Variants in NFIB observed in about 807,000 individuals in gnomAD.
NFIB encodes the protein nuclear factor I B, also known as nuclear factor 1 B-type.
A neutral mutation model predicts 61.5 loss-of-function variants in NFIB; 11 were observed. That is an observed-to-expected ratio of 0.18 (90% CI 0.11 to 0.30). The LOEUF (loss-of-function observed/expected upper bound fraction) is 0.30, where lower values mean the gene tolerates loss of function less well. Among genes scored for constraint, NFIB ranks in the 10% least tolerant of loss-of-function variants. The pLI is 1.00. For synonymous variants in NFIB, 260 were observed against 216.5 expected, an observed-to-expected ratio of 1.20 and a Z score of -1.76; for missense variants, 471 against 608.9, an observed-to-expected ratio of 0.77 and a Z score of 2.38.
intron 6 of NFIB, among the ~76,000 whole-genome samples, chr9:14,128,895 G>C (rs1326291350): frequency 6.6e-6 from 1 of 152,096 alleles, no homozygotes; most frequent in Non-Finnish European, 1.5e-5. Flanking sequence ...TTATATAGAA[G>C]TTGAAGATGA....
intron 2 of NFIB, among the ~76,000 whole-genome samples, chr9:14,249,936 G>A (rs955474872): frequency 7.2e-5 from 11 of 152,070 alleles, no homozygotes; most frequent in Non-Finnish European, 1.5e-4. Context: ...AAAGTCTTGT[G>A]GATACCATTT....
the NFIB span, among the ~76,000 whole-genome samples, chr9:14,470,517 G>A: frequency 1.3e-5 from 2 of 152,014 alleles, no homozygotes; most frequent in Admixed American, 1.3e-4. Flanking sequence ...ACTCCATAAG[G>A]GCCAGATGGT....
chr9:14,497,744 C>T, the NFIB span, among the ~76,000 whole-genome samples: 1 of 152,182 alleles, frequency 6.6e-6, no homozygotes. Flanking sequence ...TATCTGGCCA[C>T]AGAGGTGGGT....
At chr9:14,410,064 G>A in the NFIB span, among the ~76,000 whole-genome samples, 3 of 151,808 alleles carry the variant, frequency 2.0e-5, no homozygotes, top group African/African-American at 7.3e-5. Flanking sequence ...AGGGGGTGAG[G>A]GGCAGGTTTC....
intron 1 of NFIB, among the ~76,000 whole-genome samples, chr9:14,379,677 A>T (rs1049809867): frequency 6.6e-6 from 1 of 151,814 alleles, no homozygotes; most frequent in Non-Finnish European, 1.5e-5. Context: ...ATCAGATTTT[A>T]TTTATTTATT....
chr9:14,312,365 T>A (rs2060319961), intron 1 of NFIB, among the ~76,000 whole-genome samples: 1 of 152,260 alleles, frequency 6.6e-6, no homozygotes, highest in Admixed American at 6.5e-5. Context: ...GGCTGACACT[T>A]CTTTATATGA....
At chr9:14,297,345 G>A (rs558863876) in intron 2 of NFIB, among the ~76,000 whole-genome samples, 1 of 152,336 alleles carries the variant, frequency 6.6e-6, no homozygotes, top group Admixed American at 6.5e-5. Context: ...TACAGGAGAA[G>A]AGAGAAAAAC....
At chr9:14,412,252 G>T in the NFIB span, among the ~76,000 whole-genome samples, 1 of 152,170 alleles carries the variant, frequency 6.6e-6, no homozygotes, top group Non-Finnish European at 1.5e-5. Context: ...GTATTGTTCT[G>T]AATGGCAATC....
rs1221566724 is a variant in NFIB, at chr9:14,307,786, CT to C, written c.31-267del. On this transcript the variant is annotated intron_variant, in intron 1 of 10. Coordinates refer to ENST00000380953, the MANE Select transcript of NFIB (RefSeq NM_001190737.2). The surrounding 1 kb of genome is among the most constrained non-coding windows in gnomAD (Gnocchi z 5.3). ...TAAGGTTTATATTTTGTATTACACT[CT>C]GGCCCCATCCCCCTTGTTTCCACCC... 6.4e-6 allele frequency: 2 copies of C among 313,686 alleles called. No homozygotes were observed. Among genetic ancestry groups the C allele is most frequent in the East Asian group, 1.1e-4 (2 of 18,086 alleles). The allele number at this position is 313,686 out of a possible 1,614,324, so 19.4% of individuals were successfully genotyped here. A position where few individuals can be genotyped will look rare whatever the true frequency, so the allele number is the denominator to read the frequency against.
chr9:14,490,149 A>T, the NFIB span, among the ~76,000 whole-genome samples: 7 of 152,124 alleles, frequency 4.6e-5, no homozygotes, highest in African/African-American at 1.7e-4. Flanking sequence ...ATTGACCCCA[A>T]ATTTTACCCA....
chr9:14,367,572 G>A (rs2061314814), intron 1 of NFIB, among the ~76,000 whole-genome samples: 1 of 152,128 alleles, frequency 6.6e-6, no homozygotes, highest in African/African-American at 2.4e-5. Flanking sequence ...GAAATGCTGA[G>A]GGGGTTTAAG....
chr9:14,427,937 G>GTTTTTTTTTTTTGTTTTTTTTTTTT, the NFIB span, among the ~76,000 whole-genome samples: 2 of 43,384 alleles, frequency 4.6e-5, no homozygotes, highest in Non-Finnish European at 4.4e-5. Context: ...TAATTCAGTT[G>GTTTTTTTTTTTTGTTTTTTTTTTTT]TTTTTTTTTT....
chr9:14,351,875 G>A (rs2061117063), intron 1 of NFIB, among the ~76,000 whole-genome samples: 1 of 152,178 alleles, frequency 6.6e-6, no homozygotes, highest in Non-Finnish European at 1.5e-5. Context: ...CCTTTGAAAA[G>A]CAGCTACTAT....
the NFIB span, among the ~76,000 whole-genome samples, chr9:14,466,187 C>T: frequency 1.3e-5 from 2 of 152,174 alleles, no homozygotes; most frequent in Non-Finnish European, 2.9e-5. Flanking sequence ...CAAGGCCTGT[C>T]TGGGATGGTG....
intron 7 of NFIB, among the ~76,000 whole-genome samples, chr9:14,124,190 T>C (rs1203792166): frequency 6.6e-6 from 1 of 152,194 alleles, no homozygotes; most frequent in African/African-American, 2.4e-5. Flanking sequence ...TTTCGTTATA[T>C]AAAAATATAC....
At chr9:14,416,774 C>T in the NFIB span, among the ~76,000 whole-genome samples, 2 of 151,952 alleles carry the variant, frequency 1.3e-5, no homozygotes, top group African/African-American at 4.8e-5. Flanking sequence ...CAGTAGTGTA[C>T]AGTAAAGTCC....
At chr9:14,528,739 T>C in the NFIB span, among the ~76,000 whole-genome samples, 36 of 152,248 alleles carry the variant, frequency 2.4e-4, no homozygotes, top group African/African-American at 8.4e-4. Flanking sequence ...TTCTACTAAG[T>C]CTCACAGAGA....
chr9:14,231,120 GAAA>G lies in NFIB; in HGVS notation c.563-51343_563-51341del, dbSNP rs1188458970. 1.2e-3 allele frequency among the ~76,000 whole-genome samples: 78 copies of G among 65,782 alleles called. 2 individuals are homozygous for G. Among genetic ancestry groups the G allele is most frequent in the African/African-American group, 3.2e-3 (55 of 17,332 alleles). 43.2% of individuals were successfully genotyped at this position (65,782 alleles called of 152,430 possible). A position where few individuals can be genotyped will look rare whatever the true frequency, so the allele number is the denominator to read the frequency against. On this transcript the variant is annotated intron_variant, in intron 2 of 10. Coordinates refer to ENST00000380953, the MANE Select transcript of NFIB (RefSeq NM_001190737.2). ...CCTTGGCCTACAGTTTTTCCATGGG[GAAA>G]AAAAAAAAAAAAATATATATATATA...
chr9:14,124,740 T>C (rs2039408903), intron 7 of NFIB, among the ~76,000 whole-genome samples: 1 of 152,198 alleles, frequency 6.6e-6, no homozygotes, highest in South Asian at 2.1e-4. Flanking sequence ...AGATTTGGTA[T>C]TAGCTGTTGG....
Sources: gnomAD v4.1 joint callset for allele counts (sites outside exome capture counted in the v4.1 genomes callset) on GRCh38, gnomAD v4.1.1 for gene constraint, Gnocchi (gnomAD v3.1) non-coding constraint, MANE v1.5 for transcripts, NCBI Gene and HGNC (gene_info 2026-07-23, HGNC 2026-07-21) for gene names.